The following RALA variants were observed in gnomAD, a reference collection of about 807,000 sequenced individuals.
RALA encodes the protein RAS like proto-oncogene A, also known as ras-related protein Ral-A.
RALA carries 5 observed loss-of-function variants against 24.0 expected under a neutral mutation model. The observed-to-expected ratio is 0.21, with a 90% confidence interval of 0.11 to 0.44. The LOEUF is 0.44. RALA is among the 20% of genes least tolerant of loss of function. The pLI is 0.99. For missense variants in RALA, 95 were observed against 241.2 expected (o/e 0.39, Z 4.01); for synonymous variants, 77 against 83.8 (o/e 0.92, Z 0.44).
intron 1 of RALA, among the ~76,000 whole-genome samples, chr7:39,675,736 A>C (rs1318222492): frequency 7.6e-6 from 1 of 132,402 alleles, no homozygotes; most frequent in Non-Finnish European, 1.7e-5. Context: ...ATGTCTGGGA[A>C]ATTAAAAAAA....
chr7:39,684,245 C>T (rs763895888), intron 1 of RALA, among the ~76,000 whole-genome samples: 2 of 152,038 alleles, frequency 1.3e-5, no homozygotes, highest in African/African-American at 2.4e-5. Context: ...TTTTGCCATA[C>T]GCTTAACAGT....
intron 1 of RALA, among the ~76,000 whole-genome samples, chr7:39,631,263 C>T (rs1389899215): frequency 6.6e-6 from 1 of 152,228 alleles, no homozygotes; most frequent in African/African-American, 2.4e-5. Flanking sequence ...CTGCCTCGGC[C>T]TTCCAAAGCA....
At chr7:39,675,757 A>AAC (rs1554297326) in intron 1 of RALA, among the ~76,000 whole-genome samples, 3 of 148,986 alleles carry the variant, frequency 2.0e-5, no homozygotes, top group Admixed American at 6.6e-5. Context: ...AAAAAAAAAA[A>AAC]AAAACTGTAT....
intron 1 of RALA, among the ~76,000 whole-genome samples, chr7:39,654,007 G>T (rs982769658): frequency 1.3e-5 from 2 of 152,190 alleles, no homozygotes; most frequent in African/African-American, 4.8e-5. Context: ...ACTGATAGAA[G>T]TTATATCCAG....
rs563524539 is a variant in RALA at position 39,660,528 on chromosome 7, A to G, written c.-37-26103A>G. Among the ~76,000 whole-genome samples the G allele has an allele frequency of 2.6e-3, 391 of 152,168 alleles. 1 individual carries two copies. Among genetic ancestry groups the G allele is most frequent in the African/African-American group, 8.8e-3 (366 of 41,520 alleles). ...TTTTTAATGAATTTGCCTTCTCTGC[A>G]TAACTTTTTCTTTTCACTTGCATTG... On this transcript the variant is annotated intron_variant, in intron 1 of 4. Coordinates refer to ENST00000005257, the MANE Select transcript of RALA (RefSeq NM_005402.4).
chr7:39,653,111 C>T (rs1347907474), intron 1 of RALA, among the ~76,000 whole-genome samples: 1 of 151,800 alleles, frequency 6.6e-6, no homozygotes, highest in African/African-American at 2.4e-5. Context: ...CTCACTGCAA[C>T]CTCCACCTCC....
intron 4 of RALA, chr7:39,697,509 A>T: frequency 2.2e-6 from 1 of 454,836 alleles, no homozygotes; most frequent in Non-Finnish European, 4.4e-6. Context: ...CACTGGGCTG[A>T]GGTAGCACAG....
chr7:39,646,836 A>G (rs1290075243), intron 1 of RALA, among the ~76,000 whole-genome samples: 1 of 152,148 alleles, frequency 6.6e-6, no homozygotes, highest in Non-Finnish European at 1.5e-5. Flanking sequence ...TTTCAGCCTT[A>G]CCCATGTACT....
At chr7:39,680,805 T>G (rs1792582033) in intron 1 of RALA, among the ~76,000 whole-genome samples, 1 of 152,208 alleles carries the variant, frequency 6.6e-6, no homozygotes, top group Non-Finnish European at 1.5e-5. Flanking sequence ...CACCGTTTAT[T>G]ACACACTACA....
chr7:39,678,286 A>T (rs1456037838), intron 1 of RALA, among the ~76,000 whole-genome samples: 6 of 152,184 alleles, frequency 3.9e-5, no homozygotes, highest in Admixed American at 1.3e-4. Context: ...ATTTTGTGGT[A>T]ATTTGCTGCA....
intron 1 of RALA, among the ~76,000 whole-genome samples, chr7:39,629,962 C>T (rs899729216): frequency 1.3e-5 from 2 of 152,150 alleles, no homozygotes; most frequent in Non-Finnish European, 2.9e-5. Flanking sequence ...AACTCCTGAC[C>T]TCGTGATCCG....
At chr7:39,683,953 A>G (rs528362804) in intron 1 of RALA, among the ~76,000 whole-genome samples, 3 of 152,304 alleles carry the variant, frequency 2.0e-5, no homozygotes, top group African/African-American at 7.2e-5. Context: ...CAGTAGATAT[A>G]TTAGCTGTGA....
intron 1 of RALA, among the ~76,000 whole-genome samples, chr7:39,628,681 G>A (rs1302702144): frequency 4.6e-5 from 7 of 151,962 alleles, no homozygotes; most frequent in African/African-American, 9.7e-5. Flanking sequence ...TCAGCCTCCC[G>A]AGTAGCTGGG....
chr7:39,685,008 T>TA (rs755058292), intron 1 of RALA, among the ~76,000 whole-genome samples: 2 of 152,184 alleles, frequency 1.3e-5, no homozygotes, highest in African/African-American at 2.4e-5. Context: ...GAGGAATACT[T>TA]ATACTATTAA....
chr7:39,655,941 C>T (rs191976188), intron 1 of RALA, among the ~76,000 whole-genome samples: 1 of 152,244 alleles, frequency 6.6e-6, no homozygotes, highest in African/African-American at 2.4e-5. Flanking sequence ...CACCTATGAG[C>T]AATGTGGAGT....
chr7:39,702,840 A>T (rs1330464219), intron 4 of RALA: 1 of 152,198 alleles, frequency 6.6e-6, no homozygotes, highest in Non-Finnish European at 1.5e-5. Context: ...TAGAACAGAG[A>T]ATACTAGAGG....
intron 1 of RALA, among the ~76,000 whole-genome samples, chr7:39,658,481 T>G (rs1792132355): frequency 6.6e-6 from 1 of 152,176 alleles, no homozygotes; most frequent in African/African-American, 2.4e-5. Context: ...TATGTATATA[T>G]ATATATAATG....
intron 3 of RALA, among the ~76,000 whole-genome samples, chr7:39,693,136 C>T (rs1317633461): frequency 1.3e-5 from 2 of 152,154 alleles, no homozygotes; most frequent in East Asian, 1.9e-4. Context: ...TACTGCGGCA[C>T]TACTCACAAT....
At chr7:39,682,689 C>G (rs1792626588) in intron 1 of RALA, among the ~76,000 whole-genome samples, 1 of 152,212 alleles carries the variant, frequency 6.6e-6, no homozygotes, top group South Asian at 2.1e-4. Flanking sequence ...GTTGCCCAGG[C>G]TGGAGTGCAG....
Sources: gnomAD v4.1 joint callset for allele counts (sites outside exome capture counted in the v4.1 genomes callset) on GRCh38, gnomAD v4.1.1 for gene constraint, MANE v1.5 for transcripts, NCBI Gene and HGNC (gene_info 2026-07-23, HGNC 2026-07-21) for gene names.